Variants in ITGAV observed in about 807,000 individuals in gnomAD.
ITGAV encodes integrin subunit alpha V.
ITGAV carries 76 observed loss-of-function variants against 143.8 expected under a neutral mutation model. The ratio of observed to expected loss-of-function variants is 0.53; its 90% CI spans 0.44 to 0.64. The LOEUF is 0.64. Ranked by LOEUF, ITGAV falls within the 30% of genes least tolerant of loss-of-function variation. The pLI is 0.00. For synonymous variants in ITGAV, 453 were observed against 446.7 expected (o/e 1.01, Z -0.18); for missense variants, 1,193 against 1,274.7 (o/e 0.94, Z 0.98).
At chr2:186,640,569 G>C (rs756047920) in intron 10 of ITGAV, among the ~76,000 whole-genome samples, 11 of 152,146 alleles carry the variant, frequency 7.2e-5, no homozygotes, top group Non-Finnish European at 1.3e-4. Context: ...GCTTGTGTCT[G>C]GTATGTTTTG....
At chr2:186,664,152 T>A (rs1388424389) in intron 19 of ITGAV, among the ~76,000 whole-genome samples, 1 of 152,246 alleles carries the variant, frequency 6.6e-6, no homozygotes, top group Non-Finnish European at 1.5e-5. Flanking sequence ...TTGTAAGGCA[T>A]ATGAATTATA....
intron 26 of ITGAV, among the ~76,000 whole-genome samples, chr2:186,674,577 T>C (rs915234724): frequency 6.6e-6 from 1 of 152,024 alleles, no homozygotes; most frequent in Non-Finnish European, 1.5e-5. Flanking sequence ...AGTGACATGA[T>C]CTTGGCTTAC....
intron 18 of ITGAV, among the ~76,000 whole-genome samples, chr2:186,661,163 CT>C (rs1220158426): frequency 6.6e-6 from 1 of 152,136 alleles, no homozygotes; most frequent in East Asian, 1.9e-4. Flanking sequence ...CTGTTTTTTA[CT>C]GTCTTCAAAA....
chr2:186,641,292 C>A, intron 11 of ITGAV, 94 bp from the exon 12 acceptor site: 1 of 935,914 alleles, frequency 1.1e-6, no homozygotes, highest in Non-Finnish European at 1.7e-6. Context: ...GTGAGAGATG[C>A]AGAAAGAGGA....
intron 13 of ITGAV, among the ~76,000 whole-genome samples, chr2:186,647,525 C>T (rs749276289): frequency 1.3e-5 from 2 of 152,022 alleles, no homozygotes; most frequent in African/African-American, 2.4e-5. Flanking sequence ...CGTGAGCCAC[C>T]GCACCCGGCC....
intron 26 of ITGAV, among the ~76,000 whole-genome samples, chr2:186,672,290 G>A (rs938044111): frequency 6.6e-6 from 1 of 152,106 alleles, no homozygotes. Context: ...CCATTGTGTG[G>A]ACATACCACC....
chr2:186,659,354 T>A (rs1467439202), intron 18 of ITGAV, among the ~76,000 whole-genome samples, 179 bp downstream of exon 18: 1 of 151,972 alleles, frequency 6.6e-6, no homozygotes, highest in Admixed American at 6.6e-5. Context: ...TTTGGGAATC[T>A]GAATTTTCAA....
intron 12 of ITGAV, among the ~76,000 whole-genome samples, chr2:186,643,775 A>G (rs946884964): frequency 2.6e-5 from 4 of 152,242 alleles, no homozygotes; most frequent in African/African-American, 7.2e-5. Context: ...GAAGAAATCA[A>G]TTGCATGAAT....
At chr2:186,617,086 T>G (rs903420272) in intron 2 of ITGAV, among the ~76,000 whole-genome samples, 2 of 152,100 alleles carry the variant, frequency 1.3e-5, no homozygotes, top group Non-Finnish European at 2.9e-5. Flanking sequence ...TATTTCATTA[T>G]TCATAAAAGT....
In ITGAV at chr2:186,679,559, T is replaced by C. The variant is rs1689299556; in HGVS notation, c.*2267T>C. 6.6e-6 allele frequency: 1 copy of C among 151,870 alleles called. No homozygotes were observed. Among genetic ancestry groups the C allele is most frequent in the African/African-American group, 2.4e-5 (1 of 41,414 alleles). 9.4% of individuals were successfully genotyped at this position (151,870 alleles called of 1,614,324 possible). A position where few individuals can be genotyped will look rare whatever the true frequency, so the allele number is the denominator to read the frequency against. ...ATGAAAACTTTAAATCTCTAAAACA[T>C]TTGAAATACTACCATATTTGTGATT... On this transcript the variant is annotated 3_prime_UTR_variant, in exon 30 of 30. Coordinates refer to ENST00000261023, the MANE Select transcript of ITGAV (RefSeq NM_002210.5).
At chr2:186,663,880 A>C in intron 19 of ITGAV, 45 bp downstream of exon 19, 1 of 1,283,118 alleles carries the variant, frequency 7.8e-7, no homozygotes, top group Non-Finnish European at 1.1e-6. Context: ...ATTTAAATGG[A>C]AGGGCACATT....
At chr2:186,667,976 C>T in intron 24 of ITGAV, 200 bp downstream of exon 24, 1 of 310,484 alleles carries the variant, frequency 3.2e-6, no homozygotes, top group South Asian at 1.4e-4. Flanking sequence ...TTAAATAAAG[C>T]AGTTTATATA....
At chr2:186,654,771 A>AT in intron 16 of ITGAV, 63 bp downstream of exon 16, 1 of 684,414 alleles carries the variant, frequency 1.5e-6, no homozygotes, top group South Asian at 1.9e-5. Context: ...CTTAAAAAAT[A>AT]TTTTAAGATA....
chr2:186,633,280 G>T lies in ITGAV; in HGVS notation c.586-49G>T, dbSNP rs1574479663. The T allele has an allele frequency of 3.5e-6, 4 of 1,133,296 alleles. No homozygotes were observed. In the East Asian group the frequency reaches 7.1e-5, roughly 20 times the overall value. The allele number at this position is 1,133,296 out of a possible 1,614,324, so 70.2% of individuals were successfully genotyped here. A position where few individuals can be genotyped will look rare whatever the true frequency, so the allele number is the denominator to read the frequency against. ...TTTTTCATTGATTTCTATTTTGAGA[G>T]ATATTTGTTCTTTAAATATATATCT... On this transcript the variant is annotated intron_variant, in intron 5 of 29. Transcript: ENST00000261023.
In ITGAV at chr2:186,625,660, TGG is replaced by T. The variant is rs869052507; in HGVS notation, c.523+75_523+76del. The T allele has an allele frequency of 2.4e-4, 155 of 636,020 alleles. 6 individuals carry two copies. Among genetic ancestry groups the T allele is most frequent in the African/African-American group, 6.3e-4 (25 of 39,848 alleles). 39.4% of individuals were successfully genotyped at this position (636,020 alleles called of 1,614,324 possible). A position where few individuals can be genotyped will look rare whatever the true frequency, so the allele number is the denominator to read the frequency against. On this transcript the variant is annotated intron_variant, in intron 4 of 29. Transcript: ENST00000261023. ...CTAGTTTGTTAAAAATATGTGTGTG[TGG>T]GTGTGTGTGTGTGTGTGAGAGAGAG...
At chr2:186,599,901 T>C (rs1298709497) in intron 1 of ITGAV, among the ~76,000 whole-genome samples, 1 of 152,188 alleles carries the variant, frequency 6.6e-6, no homozygotes, top group Non-Finnish European at 1.5e-5. Context: ...TCACCTATCT[T>C]TCCACCCACC....
At position 186,652,020 on chromosome 2, in the gene ITGAV, T is replaced by C; in HGVS notation, c.1436T>C (p.Val479Ala). 1 of 1,613,672 alleles carries C rather than the reference T, an allele frequency of 6.2e-7. No homozygotes were observed. The highest frequency in any genetic ancestry group is 1.1e-5 in the South Asian group (1 of 91,040). ...ATCACTGTAAATGCTGGTCTTGAAG[T>C]GTACCCTAGCATTTTAAATCAAGAC... The part of the protein sequence containing the change: ...PVITVNAGLE[V>A]YPSILNQDNK... The change falls in exon 15 of 30, where the codon GTG becomes GCG. Residue 479 changes from valine (V) to alanine (A), a missense_variant. By Grantham distance (64) the Val-to-Ala change is moderately conservative. Transcript: ENST00000261023.
chr2:186,676,714 A>C (rs2105756455), intron 28 of ITGAV, 99 bp from the exon 29 acceptor site: 1 of 1,263,106 alleles, frequency 7.9e-7, no homozygotes, highest in Non-Finnish European at 1.1e-6. Flanking sequence ...AAAAGAATAT[A>C]CTGTGAATTC....
intron 4 of ITGAV, among the ~76,000 whole-genome samples, chr2:186,625,923 CA>C: frequency 6.6e-6 from 1 of 152,214 alleles, no homozygotes; most frequent in African/African-American, 2.4e-5. Flanking sequence ...GTAGACCCCA[CA>C]ACTAAAGATT....
Sources: gnomAD v4.1 joint callset for allele counts (sites outside exome capture counted in the v4.1 genomes callset) on GRCh38, gnomAD v4.1.1 for gene constraint, MANE v1.5 for transcripts, NCBI Gene and HGNC (gene_info 2026-07-23, HGNC 2026-07-21) for gene names.